Variants in ESR1 observed in about 807,000 individuals in gnomAD.
ESR1 encodes estrogen receptor 1.
A neutral mutation model predicts 52.7 loss-of-function variants in ESR1; 12 were observed. The observed-to-expected ratio is 0.23, with a 90% CI of 0.15 to 0.37. The LOEUF (loss-of-function observed/expected upper bound fraction) is 0.37. ESR1 is among the 10% of genes least tolerant of loss of function. The pLI is 1.00. For synonymous variants in ESR1, 305 were observed against 316.8 expected (o/e 0.96, Z 0.39); for missense variants, 584 against 779.7 (o/e 0.75, Z 2.99).
chr6:152,044,978 A>G (rs2046111024), intron 5 of ESR1, among the ~76,000 whole-genome samples: 2 of 152,232 alleles, frequency 1.3e-5, no homozygotes, highest in Non-Finnish European at 2.9e-5. Flanking sequence ...CATTGCTGTT[A>G]TCTGAGAGTA....
intron 4 of ESR1, among the ~76,000 whole-genome samples, chr6:152,002,318 C>A (rs1192594720): frequency 1.3e-5 from 2 of 151,620 alleles, no homozygotes; most frequent in Non-Finnish European, 2.9e-5. Flanking sequence ...CTTGTCCATG[C>A]GGTTTGGAGA....
intron 2 of ESR1, among the ~76,000 whole-genome samples, chr6:151,709,577 T>C (rs118082140): frequency 0.02 from 3,116 of 152,266 alleles, 38 homozygotes; most frequent in East Asian, 0.032. Flanking sequence ...ACCTTCCCAC[T>C]AACAGTGTGC....
intron 1 of ESR1, among the ~76,000 whole-genome samples, chr6:151,672,914 T>C (rs1287079240): frequency 2.7e-5 from 4 of 150,574 alleles, no homozygotes; most frequent in African/African-American, 4.9e-5. Context: ...CTGCAAGCTC[T>C]GCCTCCCGGG....
intron 1 of ESR1, among the ~76,000 whole-genome samples, chr6:151,658,491 A>C (rs997993545): frequency 6.6e-6 from 1 of 152,188 alleles, no homozygotes; most frequent in African/African-American, 2.4e-5. Flanking sequence ...TTATGCACCA[A>C]ACTCTATTCT....
intron 2 of ESR1, among the ~76,000 whole-genome samples, chr6:151,789,512 G>T (rs1308920620): frequency 6.6e-6 from 1 of 152,192 alleles, no homozygotes; most frequent in African/African-American, 2.4e-5. Context: ...GGGGGCAGTG[G>T]GGAGGGTGAA....
At chr6:151,992,995 A>C (rs958605872) in intron 4 of ESR1, among the ~76,000 whole-genome samples, 2 of 152,146 alleles carry the variant, frequency 1.3e-5, no homozygotes, top group Non-Finnish European at 1.5e-5. Context: ...AATTGCAAAA[A>C]GTTGATGGGG....
intron 6 of ESR1, among the ~76,000 whole-genome samples, chr6:152,062,274 T>G (rs553198088): frequency 1.1e-4 from 17 of 152,194 alleles, no homozygotes; most frequent in African/African-American, 4.1e-4. Context: ...AGCCCTTCCT[T>G]CTCTTTTCTT....
chr6:151,978,387 G>A (rs886917775), intron 4 of ESR1, among the ~76,000 whole-genome samples: 3 of 152,102 alleles, frequency 2.0e-5, no homozygotes, highest in Admixed American at 6.6e-5. Context: ...AACAGTGTAC[G>A]AAGGTGTAAT....
At chr6:151,850,380 T>A (rs1786424875) in intron 2 of ESR1, among the ~76,000 whole-genome samples, 1 of 136,702 alleles carries the variant, frequency 7.3e-6, no homozygotes, top group South Asian at 2.3e-4. Flanking sequence ...TGTCATATGA[T>A]AACAGAGAGA....
chr6:151,808,409 C>A (rs1562426263), intron 1 of ESR1, 45 bp downstream of exon 1: 1 of 432,888 alleles, frequency 2.3e-6, no homozygotes, highest in Non-Finnish European at 3.4e-6. Flanking sequence ...CCGCGCCCGG[C>A]AGGAGGGAGG....
At chr6:151,908,416 G>A (rs1797770868) in intron 3 of ESR1, among the ~76,000 whole-genome samples, 3 of 152,094 alleles carry the variant, frequency 2.0e-5, no homozygotes. Flanking sequence ...ATCATTGAAT[G>A]AGTTCATTCA....
At chr6:152,006,431 T>C (rs918215478) in intron 4 of ESR1, among the ~76,000 whole-genome samples, 1 of 151,970 alleles carries the variant, frequency 6.6e-6, no homozygotes, top group African/African-American at 2.4e-5. Flanking sequence ...ATAGGAACGA[T>C]AGGGCCCATG....
intron 4 of ESR1, among the ~76,000 whole-genome samples, chr6:151,982,833 A>G (rs1367707665): frequency 6.6e-6 from 1 of 152,146 alleles, no homozygotes; most frequent in African/African-American, 2.4e-5. Flanking sequence ...TTTGTTTTGT[A>G]CCATCTTTGA....
chr6:151,679,486 A>T (rs1382511280), intron 1 of ESR1, among the ~76,000 whole-genome samples: 1 of 152,052 alleles, frequency 6.6e-6, no homozygotes, highest in Non-Finnish European at 1.5e-5. Flanking sequence ...AGTAGCTGGG[A>T]CTACAGGCGC....
chr6:151,978,070 G>A (rs2128662322), intron 4 of ESR1, among the ~76,000 whole-genome samples: 1 of 151,650 alleles, frequency 6.6e-6, no homozygotes, highest in Admixed American at 6.6e-5. Context: ...TTCAGAGTTT[G>A]ATTTAAATAC....
intron 5 of ESR1, among the ~76,000 whole-genome samples, chr6:152,058,175 CTTGT>C (rs1173569187): frequency 6.6e-6 from 1 of 151,834 alleles, no homozygotes; most frequent in African/African-American, 2.4e-5. Flanking sequence ...TTCCCCTATC[CTTGT>C]TTATTTTTTC....
At chr6:151,818,579 A>G (rs897675451) in intron 1 of ESR1, among the ~76,000 whole-genome samples, 1 of 152,218 alleles carries the variant, frequency 6.6e-6, no homozygotes, top group Non-Finnish European at 1.5e-5. Flanking sequence ...GAATGACTGT[A>G]GTTGACAGCA....
rs1305894409 is a variant in ESR1 at position 151,924,198 on chromosome 6, A to G, written c.761-19975A>G. On this transcript the variant is annotated intron_variant, in intron 3 of 7. Coordinates refer to ENST00000206249, the MANE Select transcript of ESR1 (RefSeq NM_000125.4). ...CCTGGGATTACAGGCGCCTGCCACC[A>G]TACCCGGCTAATTGTTGTATTTTTA... is the stretch of plus-strand genomic sequence containing the variant. Among the ~76,000 whole-genome samples the G allele has an allele frequency of 2.0e-5, 3 of 152,044 alleles. No individual in the cohort carries two copies. The East Asian group carries it at 5.8e-4, about 29-fold the overall frequency.
chr6:151,775,056 G>A (rs144378905), intron 2 of ESR1, among the ~76,000 whole-genome samples: 36 of 152,244 alleles, frequency 2.4e-4, no homozygotes, highest in African/African-American at 6.0e-4. Flanking sequence ...ATCAAACTTC[G>A]AAATTTATAT....
Sources: allele counts gnomAD v4.1 joint callset (sites outside exome capture counted in the v4.1 genomes callset), GRCh38; gene constraint gnomAD v4.1.1; transcripts MANE v1.5; gene names NCBI Gene and HGNC (gene_info 2026-07-23, HGNC 2026-07-21).